Variants in TMEM130 observed in about 807,000 individuals in gnomAD.
TMEM130 encodes the protein transmembrane protein 130.
TMEM130 carries 37 observed loss-of-function variants against 42.9 expected under a neutral mutation model. That is an observed-to-expected ratio of 0.86 (90% confidence interval 0.66 to 1.13). The LOEUF (loss-of-function observed/expected upper bound fraction) is 1.13, where lower values mean the gene tolerates loss of function less well. TMEM130 is among the 50% of genes most tolerant of loss of function. TMEM130 has a pLI of 0.00. For missense variants in TMEM130, 545 were observed against 562.6 expected, an observed-to-expected ratio of 0.97 and a Z score of 0.32; for synonymous variants, 259 against 237.7, an observed-to-expected ratio of 1.09 and a Z score of -0.82.
intron 5 of TMEM130, among the ~76,000 whole-genome samples, chr7:98,854,250 A>G (rs1562906739): frequency 6.6e-6 from 1 of 152,088 alleles, no homozygotes; most frequent in Non-Finnish European, 1.5e-5. Context: ...TTAGAAGAAT[A>G]AGAAACATCT....
intron 2 of TMEM130, among the ~76,000 whole-genome samples, chr7:98,862,725 C>T (rs993156187): frequency 1.3e-5 from 2 of 152,224 alleles, no homozygotes; most frequent in Middle Eastern, 6.8e-3. Flanking sequence ...CTCTCAAACT[C>T]CTGATCTCAG....
At chr7:98,868,173 G>A (rs962889921) in intron 1 of TMEM130, among the ~76,000 whole-genome samples, 2 of 152,228 alleles carry the variant, frequency 1.3e-5, no homozygotes, top group East Asian at 1.9e-4. Flanking sequence ...AGGTTGCAGT[G>A]AGCCAAGATT....
rs184838154 is a variant in TMEM130, at chr7:98,855,381, C to T, written c.719-57G>A. 2.5e-4 allele frequency: 382 copies of T among 1,524,486 alleles called. No homozygotes were observed. In the African/African-American group the frequency reaches 4.1e-3, roughly 16 times the overall value. 94.4% of individuals were successfully genotyped at this position (1,524,486 alleles called of 1,614,324 possible). ...GTGGCTAAGGATTGCTGTCGAGGCT[C>T]CCAGGGCACAGGGTGGTGCGACTGC... is the stretch of plus-strand genomic sequence containing the variant. On this transcript the variant is annotated intron_variant, in intron 4 of 7. Transcript: ENST00000339375.
At position 98,869,805 on chromosome 7, in the gene TMEM130, C is replaced by A; in HGVS notation, c.57G>T (p.Leu19=). ...CGGCCACCCCTGCCGGGGCCCAGGG[C>A]AGGAGGCAGGCAAGCCAGAGGATGC... ...LGRILWLACL[L]PWAPAGVAAG... is the part of the protein sequence containing the mutation. The change falls in exon 1 of 8, where the codon CTG becomes CTT. Residue 19 remains leucine, a synonymous_variant. Coordinates refer to ENST00000339375, the MANE Select transcript of TMEM130 (RefSeq NM_152913.3). This position sits in a 1 kb window ranked among gnomAD's most constrained non-coding sequence, Gnocchi z 4.7. The A allele has an allele frequency of 6.9e-7, 1 of 1,443,266 alleles. No individual in the cohort carries two copies. The highest frequency in any genetic ancestry group is 9.1e-7 in the Non-Finnish European group (1 of 1,099,138). The allele number at this position is 1,443,266 out of a possible 1,614,324, so 89.4% of individuals were successfully genotyped here.
chr7:98,869,970 G>C lies in TMEM130; in HGVS notation c.-109C>G, dbSNP rs559135441. 2.7e-6 allele frequency: 2 copies of C among 732,010 alleles called. No homozygotes were observed. Among genetic ancestry groups the C allele is most frequent in the Non-Finnish European group, 1.9e-6 (1 of 533,352 alleles). The allele number at this position is 732,010 out of a possible 1,614,324, so 45.3% of individuals were successfully genotyped here. ...GGGCGCGCAGCGCGGGCGGTGCGGGGAGGTGCGGGCGCCGTGCTCGCTCGT... is the reference window on the plus strand; with the variant it reads ...GGGCGCGCAGCGCGGGCGGTGCGGGCAGGTGCGGGCGCCGTGCTCGCTCGT... On this transcript the variant is annotated 5_prime_UTR_variant, in exon 1 of 8. Coordinates refer to ENST00000339375, the MANE Select transcript of TMEM130 (RefSeq NM_152913.3). This position sits in a 1 kb window ranked among gnomAD's most constrained non-coding sequence, Gnocchi z 4.7.
chr7:98,849,692 T>C (rs1260564091), intron 6 of TMEM130, among the ~76,000 whole-genome samples: 1 of 152,186 alleles, frequency 6.6e-6, no homozygotes, highest in Non-Finnish European at 1.5e-5. Flanking sequence ...GGGTTTGGCA[T>C]GAGCTTGGGA....
Position 98,847,203 on chromosome 7 carries a change from G to A in TMEM130, c.*853C>T, listed in dbSNP as rs1794375054. On this transcript the variant is annotated 3_prime_UTR_variant, in exon 8 of 8. Coordinates refer to ENST00000339375, the MANE Select transcript of TMEM130 (RefSeq NM_152913.3). ...CTGCAAGGCCTTTTCCTCAGTGAAA[G>A]TTTCACAGATGGGTTTCGATAAAAT... 6.6e-6 allele frequency: 1 copy of A among 152,262 alleles called. No individual in the cohort carries two copies. Among genetic ancestry groups the A allele is most frequent in the Non-Finnish European group, 1.5e-5 (1 of 68,086 alleles). The allele number at this position is 152,262 out of a possible 1,614,324, so 9.4% of individuals were successfully genotyped here.
Position 98,847,617 on chromosome 7 carries a change from C to A in TMEM130, c.*439G>T, listed in dbSNP as rs1794388472. The A allele has an allele frequency of 6.4e-6, 1 of 155,874 alleles. No homozygotes were observed. Among genetic ancestry groups the A allele is most frequent in the Non-Finnish European group, 1.4e-5 (1 of 70,880 alleles). The allele number at this position is 155,874 out of a possible 1,614,324, so 9.7% of individuals were successfully genotyped here. A position where few individuals can be genotyped will look rare whatever the true frequency, so the allele number is the denominator to read the frequency against. On this transcript the variant is annotated 3_prime_UTR_variant, in exon 8 of 8. Transcript: ENST00000339375. Reference sequence around the variant, plus strand: ...CAACCTTTAGTTATGGATTTTTAACCCTTTATGACCTTCTTTCTAGCTCTC... The same window carrying A: ...CAACCTTTAGTTATGGATTTTTAACACTTTATGACCTTCTTTCTAGCTCTC...
chr7:98,852,203 C>T (rs927267344), intron 5 of TMEM130, among the ~76,000 whole-genome samples: 7 of 152,180 alleles, frequency 4.6e-5, no homozygotes, highest in Middle Eastern at 3.4e-3. Flanking sequence ...TGCAATGGCG[C>T]GATCTTGACT....
intron 4 of TMEM130, 51 bp from the exon 5 acceptor site, chr7:98,855,375 G>A (rs782166642): frequency 2.0e-5 from 31 of 1,545,808 alleles, no homozygotes; most frequent in African/African-American, 4.1e-5. Context: ...GATTGCTGTC[G>A]AGGCTCCCAG....
chr7:98,855,315 C>T lies in TMEM130; in HGVS notation c.728G>A (p.Arg243Gln), dbSNP rs782499232. 3.7e-6 allele frequency: 6 copies of T among 1,612,488 alleles called. No individual in the cohort carries two copies. The highest frequency in any genetic ancestry group is 1.3e-5 in the African/African-American group (1 of 75,010). Residue 243 changes from arginine to glutamine, a missense_variant, in exon 5 of 8, where the codon CGA becomes CAA. Arg to Gln is a conservative substitution (Grantham distance 43). Transcript: ENST00000339375. ...SASLKLQETL[R>Q]GIQVLGPTLI... ...GGTGGGCCCCAACACTTGGATGCCTCGAAGGGTTTCTGTAAGGCAGAGAGA... is the reference window on the plus strand; with the variant it reads ...GGTGGGCCCCAACACTTGGATGCCTTGAAGGGTTTCTGTAAGGCAGAGAGA...
chr7:98,847,997 G>T lies in TMEM130; in HGVS notation c.*59C>A. ...CCTGGTCAGTGGTGCACACCACCCT[G>T]CTGGAAACTCCAAGTCAGCAGTCAG... On this transcript the variant is annotated 3_prime_UTR_variant, in exon 8 of 8. Coordinates refer to ENST00000339375, the MANE Select transcript of TMEM130 (RefSeq NM_152913.3). The T allele has an allele frequency of 6.5e-7, 1 of 1,537,878 alleles. No individual in the cohort carries two copies. Among genetic ancestry groups the T allele is most frequent in the Non-Finnish European group, 8.9e-7 (1 of 1,126,652 alleles).
At chr7:98,853,308 A>G (rs1374941130) in intron 5 of TMEM130, among the ~76,000 whole-genome samples, 1 of 151,602 alleles carries the variant, frequency 6.6e-6, no homozygotes, top group Non-Finnish European at 1.5e-5. Context: ...CATCCCTCTC[A>G]TGTGTCTCTG....
At chr7:98,850,273 A>ATATATATATATATTTT in intron 6 of TMEM130, among the ~76,000 whole-genome samples, 3 of 35,466 alleles carry the variant, frequency 8.5e-5, no homozygotes, top group Middle Eastern at 0.033. Flanking sequence ...ATATATATAT[A>ATATATATATATATTTT]TTTTTTTTTT....
At chr7:98,865,955 G>A in intron 1 of TMEM130, 1 of 178,264 alleles carries the variant, frequency 5.6e-6, no homozygotes, top group Non-Finnish European at 1.2e-5. Flanking sequence ...GAACCTGTCA[G>A]CTCCAGGTCC....
intron 2 of TMEM130, among the ~76,000 whole-genome samples, chr7:98,861,799 CATAAA>C (rs562907866): frequency 8.6e-4 from 131 of 152,270 alleles, no homozygotes; most frequent in African/African-American, 3.0e-3. Flanking sequence ...AATGTTCAAA[CATAAA>C]ATAAGAAGAA....
At chr7:98,856,494 C>T (rs1177424939) in intron 3 of TMEM130, among the ~76,000 whole-genome samples, 5 of 152,122 alleles carry the variant, frequency 3.3e-5, no homozygotes, top group Admixed American at 1.3e-4. Context: ...AATTTTTTGT[C>T]AAAAATTTTT....
intron 3 of TMEM130, among the ~76,000 whole-genome samples, chr7:98,859,840 C>G (rs1326097013): frequency 1.3e-5 from 2 of 151,842 alleles, no homozygotes; most frequent in African/African-American, 4.8e-5. Flanking sequence ...CACTTGAGGC[C>G]AGGAGTTTGA....
At position 98,851,601 on chromosome 7, in the gene TMEM130, GC is replaced by G. The variant is rs1562905600; in HGVS notation, c.825del (p.Trp275CysfsTer27). The G allele has an allele frequency of 6.2e-7, 1 of 1,612,758 alleles. No individual in the cohort carries two copies. Among genetic ancestry groups the G allele is most frequent in the African/African-American group, 1.3e-5 (1 of 74,868 alleles). On this transcript the variant is annotated frameshift_variant, in exon 6 of 8. Transcript: ENST00000339375. LOFTEE classifies it high-confidence loss of function. ...FLGSPPLTVC[W>X]RLKPECLPLE... is the part of the protein sequence containing the mutation. The stretch of plus-strand genomic sequence containing the variant: ...AGCGGGAGGCACTCAGGCTTGAGAC[GC>G]CAGCACACAGTCAGAGGAGGGCTGC...
Sources: gnomAD v4.1 joint callset for allele counts (sites outside exome capture counted in the v4.1 genomes callset) on GRCh38, gnomAD v4.1.1 for gene constraint, Gnocchi (gnomAD v3.1) non-coding constraint, MANE v1.5 for transcripts, NCBI Gene and HGNC (gene_info 2026-07-23, HGNC 2026-07-21) for gene names.